Variants in THEMIS observed in about 807,000 individuals in gnomAD.
THEMIS encodes thymocyte selection associated, also known as protein THEMIS.
A neutral mutation model predicts 52.6 loss-of-function variants in THEMIS; 37 were observed. The observed-to-expected ratio is 0.70, with a 90% CI of 0.54 to 0.93. The LOEUF (loss-of-function observed/expected upper bound fraction) is 0.93. THEMIS is among the 40% of genes least tolerant of loss of function. THEMIS has a pLI of 0.00. For missense variants in THEMIS, 808 were observed against 763.1 expected (o/e 1.06, Z -0.69); for synonymous variants, 292 against 272.7 (o/e 1.07, Z -0.70).
rs190262112 is a variant in THEMIS at position 127,789,148 on chromosome 6, A to C, written c.1758+23735T>G. Among the ~76,000 whole-genome samples, 4 of 152,298 alleles carry C rather than the reference A, an allele frequency of 2.6e-5. No homozygotes were observed. In the East Asian group the frequency reaches 7.7e-4, roughly 29 times the overall value. On this transcript the variant is annotated intron_variant, in intron 4 of 5. Transcript: ENST00000368248. ...AGACCACTAGCCAGACTAATAAAGA[A>C]GAGAGAAGAATCAAATAGACACAAT...
intron 1 of THEMIS, among the ~76,000 whole-genome samples, chr6:127,861,468 G>T (rs1207849167): frequency 6.6e-6 from 1 of 151,930 alleles, no homozygotes; most frequent in African/African-American, 2.4e-5. Context: ...TAGCTATTCT[G>T]CTTGTGAATT....
At chr6:127,799,621 C>T (rs1243571252) in intron 4 of THEMIS, among the ~76,000 whole-genome samples, 1 of 146,874 alleles carries the variant, frequency 6.8e-6, no homozygotes, top group Non-Finnish European at 1.5e-5. Context: ...TCTTTCTGGA[C>T]CATGTAATAG....
At chr6:127,833,674 G>A (rs1287153343) in intron 2 of THEMIS, among the ~76,000 whole-genome samples, 1 of 152,080 alleles carries the variant, frequency 6.6e-6, no homozygotes, top group African/African-American at 2.4e-5. Flanking sequence ...AATAATCTCT[G>A]GTCCTACTTT....
intron 2 of THEMIS, among the ~76,000 whole-genome samples, chr6:127,852,854 C>G (rs1436586061): frequency 6.6e-6 from 1 of 151,486 alleles, no homozygotes; most frequent in Non-Finnish European, 1.5e-5. Flanking sequence ...TTTACCTTTC[C>G]ATTTTCACTC....
At chr6:127,875,465 G>A (rs1289387976) in intron 1 of THEMIS, among the ~76,000 whole-genome samples, 1 of 152,168 alleles carries the variant, frequency 6.6e-6, no homozygotes, top group Non-Finnish European at 1.5e-5. Flanking sequence ...TAGGTTTGTT[G>A]ATATTGGAAA....
intron 4 of THEMIS, among the ~76,000 whole-genome samples, chr6:127,765,289 A>G (rs1391739585): frequency 6.6e-6 from 1 of 152,104 alleles, no homozygotes; most frequent in African/African-American, 2.4e-5. Flanking sequence ...TCACAATGCA[A>G]CAAAGTTTGC....
intron 4 of THEMIS, among the ~76,000 whole-genome samples, chr6:127,724,076 C>A (rs758784733): frequency 2.0e-5 from 3 of 152,018 alleles, no homozygotes; most frequent in Non-Finnish European, 4.4e-5. Flanking sequence ...AGTATATAGT[C>A]ACACTCACAT....
chr6:127,762,370 T>G (rs531694546), intron 4 of THEMIS, among the ~76,000 whole-genome samples: 5 of 152,124 alleles, frequency 3.3e-5, no homozygotes, highest in African/African-American at 1.2e-4. Context: ...AGGTAAAAAT[T>G]TGTTACAATG....
At chr6:127,751,423 G>C (rs1019655270) in intron 4 of THEMIS, among the ~76,000 whole-genome samples, 9 of 151,504 alleles carry the variant, frequency 5.9e-5, no homozygotes, top group African/African-American at 2.2e-4. Context: ...ACAAAGAAAG[G>C]CAGATCAAAG....
chr6:127,697,875 G>T, the THEMIS span, among the ~76,000 whole-genome samples: 1 of 151,860 alleles, frequency 6.6e-6, no homozygotes, highest in African/African-American at 2.4e-5. Context: ...TATTTTATTT[G>T]TTTATTTTAT....
chr6:127,789,423 C>T (rs1044668638), intron 4 of THEMIS, among the ~76,000 whole-genome samples: 26 of 152,272 alleles, frequency 1.7e-4, no homozygotes, highest in African/African-American at 6.3e-4. Flanking sequence ...CAGATGGATT[C>T]ACAGCTGAAT....
At chr6:127,729,255 A>T (rs1016755904) in intron 4 of THEMIS, among the ~76,000 whole-genome samples, 10 of 150,048 alleles carry the variant, frequency 6.7e-5, no homozygotes, top group African/African-American at 2.2e-4. Context: ...AGAAAAAAAA[A>T]CTTGAAATTT....
At chr6:127,740,383 T>C (rs986123688) in intron 4 of THEMIS, among the ~76,000 whole-genome samples, 6 of 152,144 alleles carry the variant, frequency 3.9e-5, no homozygotes, top group African/African-American at 1.4e-4. Flanking sequence ...CCCTGGTAGA[T>C]AGCCTCTAGT....
intron 4 of THEMIS, among the ~76,000 whole-genome samples, chr6:127,745,859 A>G (rs888010103): frequency 2.4e-4 from 36 of 151,852 alleles, no homozygotes; most frequent in African/African-American, 8.2e-4. Context: ...TTAAGGTGAG[A>G]ATCATACCTG....
intron 3 of THEMIS, among the ~76,000 whole-genome samples, chr6:127,821,309 T>C (rs1368831413): frequency 6.6e-6 from 1 of 152,056 alleles, no homozygotes; most frequent in Non-Finnish European, 1.5e-5. Flanking sequence ...CCAAAAAAGT[T>C]CTTTTTGACT....
intron 4 of THEMIS, among the ~76,000 whole-genome samples, chr6:127,783,227 C>T (rs1291570412): frequency 6.6e-6 from 1 of 152,278 alleles, no homozygotes; most frequent in Admixed American, 6.5e-5. Flanking sequence ...ACACTTCATA[C>T]AAAAATTAAC....
intron 4 of THEMIS, among the ~76,000 whole-genome samples, chr6:127,730,318 G>GAAAAGAAAAGAAAAGAAAAGAAA (rs1456074763): frequency 3.4e-5 from 4 of 116,958 alleles, no homozygotes; most frequent in Non-Finnish European, 5.1e-5. Flanking sequence ...AAAGAAAAGA[G>GAAAAGAAAAGAAAAGAAAAGAAA]AAAAAAAGAA....
chr6:127,712,639 A>G (rs1774022393), intron 5 of THEMIS, among the ~76,000 whole-genome samples: 1 of 151,924 alleles, frequency 6.6e-6, no homozygotes, highest in Non-Finnish European at 1.5e-5. Flanking sequence ...ATTTGGAATC[A>G]TGTAGACAAG....
intron 1 of THEMIS, among the ~76,000 whole-genome samples, chr6:127,888,054 G>A (rs940380228): frequency 3.3e-5 from 5 of 152,078 alleles, no homozygotes; most frequent in Non-Finnish European, 7.4e-5. Context: ...AGAGAAGGGA[G>A]TTAGTCAAGT....
Sources: allele counts gnomAD v4.1 joint callset (sites outside exome capture counted in the v4.1 genomes callset), GRCh38; gene constraint gnomAD v4.1.1; transcripts MANE v1.5; gene names NCBI Gene and HGNC (gene_info 2026-07-23, HGNC 2026-07-21).